The following GPHN variants were observed in gnomAD, a reference collection of about 807,000 sequenced individuals.
GPHN encodes gephyrin.
GPHN carries 17 observed loss-of-function variants against 95.5 expected under a neutral mutation model. That is an observed-to-expected ratio of 0.18 (90% confidence interval 0.12 to 0.27). The LOEUF is 0.27. Among genes scored for constraint, GPHN ranks in the 10% least tolerant of loss-of-function variants. GPHN has a pLI of 1.00. For missense variants in GPHN, 660 were observed against 978.1 expected (o/e 0.67, Z 4.34); for synonymous variants, 320 against 322.5 (o/e 0.99, Z 0.08).
chr14:66,651,838 G>A (rs548515712), intron 1 of GPHN, among the ~76,000 whole-genome samples: 4 of 151,878 alleles, frequency 2.6e-5, no homozygotes, highest in African/African-American at 7.2e-5. Context: ...CCATCACCCC[G>A]AGATGGGACC....
intron 12 of GPHN, among the ~76,000 whole-genome samples, chr14:67,097,779 C>G (rs950384006): frequency 6.6e-6 from 1 of 152,034 alleles, no homozygotes; most frequent in African/African-American, 2.4e-5. Flanking sequence ...TCTCCTGATG[C>G]ATCAGTGGCT....
intron 10 of GPHN, among the ~76,000 whole-genome samples, chr14:67,036,231 A>G (rs1465252504): frequency 1.3e-5 from 2 of 151,836 alleles, no homozygotes; most frequent in African/African-American, 4.8e-5. Flanking sequence ...ACCTCAATAT[A>G]ATAAAGGTCA....
the GPHN span, among the ~76,000 whole-genome samples, chr14:67,469,484 G>A: frequency 8.6e-6 from 1 of 115,812 alleles, no homozygotes; most frequent in Non-Finnish European, 1.6e-5. Context: ...GGTGGTCTCT[G>A]TATGTTGCCC....
At chr14:67,203,085 T>G in the GPHN span, 2 of 1,609,810 alleles carry the variant, frequency 1.2e-6, no homozygotes, top group South Asian at 1.1e-5. Flanking sequence ...TCCTGTTTTC[T>G]GCACTCAGGT....
the GPHN span, chr14:67,659,837 T>A: frequency 6.2e-7 from 1 of 1,614,212 alleles, no homozygotes; most frequent in Admixed American, 1.7e-5. Context: ...TTTAGCAAGG[T>A]CCTTCCGGTA....
At chr14:67,728,766 T>C in the GPHN span, among the ~76,000 whole-genome samples, 1 of 149,548 alleles carries the variant, frequency 6.7e-6, no homozygotes, top group African/African-American at 2.5e-5. Context: ...CCTCATGAAA[T>C]GTGCTTGCCA....
chr14:67,156,805 C>T (rs967755143), intron 18 of GPHN, among the ~76,000 whole-genome samples: 1 of 151,904 alleles, frequency 6.6e-6, no homozygotes, highest in African/African-American at 2.4e-5. Context: ...AATGAAACCT[C>T]GTCTCTATAC....
chr14:67,225,512 T>G, the GPHN span, among the ~76,000 whole-genome samples: 1 of 152,222 alleles, frequency 6.6e-6, no homozygotes, highest in Non-Finnish European at 1.5e-5. Context: ...GAGAATTATG[T>G]GCTGCACTAC....
intron 18 of GPHN, among the ~76,000 whole-genome samples, chr14:67,154,356 G>A (rs2081457579): frequency 6.6e-6 from 1 of 152,076 alleles, no homozygotes; most frequent in East Asian, 1.9e-4. Context: ...CCCAGCACCT[G>A]CTTATTTCCT....
chr14:67,111,388 C>A (rs2078362893), intron 14 of GPHN, among the ~76,000 whole-genome samples: 1 of 152,156 alleles, frequency 6.6e-6, no homozygotes. Flanking sequence ...GGACAGAAAT[C>A]TACTACCAGG....
At chr14:66,813,303 T>C (rs2060835009) in intron 3 of GPHN, among the ~76,000 whole-genome samples, 2 of 152,200 alleles carry the variant, frequency 1.3e-5, no homozygotes, top group Non-Finnish European at 2.9e-5. Context: ...CACAGACAAG[T>C]GGAACAGCTC....
At chr14:67,229,640 T>G in the GPHN span, among the ~76,000 whole-genome samples, 1 of 152,174 alleles carries the variant, frequency 6.6e-6, no homozygotes, top group East Asian at 1.9e-4. Flanking sequence ...TACGCCAGAT[T>G]TGGAAGTCTT....
the GPHN span, among the ~76,000 whole-genome samples, chr14:67,209,579 G>A: frequency 2.4e-4 from 37 of 152,228 alleles, no homozygotes; most frequent in African/African-American, 8.9e-4. Flanking sequence ...CAGCACTTTG[G>A]GAGGCTGAGG....
intron 5 of GPHN, among the ~76,000 whole-genome samples, chr14:66,883,327 A>G (rs1028633786): frequency 3.3e-5 from 5 of 151,656 alleles, no homozygotes; most frequent in Non-Finnish European, 7.4e-5. Context: ...TTTATTTCAG[A>G]TATATTTTCA....
chr14:67,620,017 C>T, the GPHN span: 1 of 1,611,220 alleles, frequency 6.2e-7, no homozygotes, highest in Non-Finnish European at 8.5e-7. Flanking sequence ...CCTCCAGACG[C>T]GAGTGCATTC....
intron 10 of GPHN, among the ~76,000 whole-genome samples, chr14:67,044,405 C>T (rs565685920): frequency 1.3e-5 from 2 of 151,926 alleles, no homozygotes; most frequent in Non-Finnish European, 2.9e-5. Context: ...TGCCTTAGCC[C>T]GTGTTTGTTC....
At chr14:67,735,238 G>A in the GPHN span, 10 of 1,397,056 alleles carry the variant, frequency 7.2e-6, no homozygotes, top group Admixed American at 3.3e-5. Context: ...GTGCTCCCAC[G>A]AGACACAGCC....
chr14:66,517,126 C>CA (rs1171024713), intron 1 of GPHN, among the ~76,000 whole-genome samples: 564 of 30,888 alleles, frequency 0.018, 28 homozygotes, highest in Middle Eastern at 0.05. Context: ...GACTCCATCT[C>CA]AAAAAAAAAA....
the GPHN span, chr14:67,395,281 AC>A: frequency 1.3e-6 from 1 of 798,188 alleles, no homozygotes; most frequent in Non-Finnish European, 2.0e-6. Context: ...GCCCTGAAGC[AC>A]CGTGGTGGCA....
Sources: gnomAD v4.1 joint callset for allele counts (sites outside exome capture counted in the v4.1 genomes callset) on GRCh38, gnomAD v4.1.1 for gene constraint, MANE v1.5 for transcripts, NCBI Gene and HGNC (gene_info 2026-07-23, HGNC 2026-07-21) for gene names.